BCAR3: variants seen among roughly 807,000 people sequenced by gnomAD.
BCAR3 encodes the protein breast cancer anti-estrogen resistance protein 3.
A neutral mutation model predicts 80.1 loss-of-function variants in BCAR3; 37 were observed. The ratio of observed to expected loss-of-function variants is 0.46; its 90% CI spans 0.36 to 0.61. BCAR3 has a LOEUF of 0.61. BCAR3 is among the 20% of genes least tolerant of loss of function. The probability of loss-of-function intolerance (pLI) is 0.00; values close to 1 mark genes in which losing one functional copy is unlikely to be tolerated. For missense variants in BCAR3, 978 were observed against 1,068.2 expected (o/e 0.92, Z 1.18); for synonymous variants, 389 against 418.9 (o/e 0.93, Z 0.87).
chr1:93,822,362 G>A (rs1654256014), intron 2 of BCAR3, among the ~76,000 whole-genome samples: 1 of 148,520 alleles, frequency 6.7e-6, no homozygotes, highest in Non-Finnish European at 1.5e-5. Flanking sequence ...TTTTTGAGAC[G>A]GAGTTTTGCT....
chr1:93,700,237 C>T (rs1241696579), intron 3 of BCAR3, among the ~76,000 whole-genome samples: 4 of 152,080 alleles, frequency 2.6e-5, no homozygotes, highest in Admixed American at 6.5e-5. Flanking sequence ...TTGTTGCCCA[C>T]GTTGGAGTGC....
chr1:93,755,213 AT>A (rs1651701984), intron 2 of BCAR3, among the ~76,000 whole-genome samples: 2 of 152,348 alleles, frequency 1.3e-5, no homozygotes, highest in South Asian at 2.1e-4. Flanking sequence ...AGTTAAAAAA[AT>A]AAAACATTTA....
chr1:93,654,034 A>G (rs558270367), intron 2 of BCAR3, among the ~76,000 whole-genome samples: 3 of 152,198 alleles, frequency 2.0e-5, no homozygotes, highest in Non-Finnish European at 4.4e-5. Flanking sequence ...CCACCTCATC[A>G]GAACAAAACC....
At chr1:93,839,997 T>G (rs1401846904) in intron 2 of BCAR3, among the ~76,000 whole-genome samples, 1 of 152,098 alleles carries the variant, frequency 6.6e-6, no homozygotes, top group Non-Finnish European at 1.5e-5. Flanking sequence ...TGGTCAGCAT[T>G]TTTGCAGGAA....
intron 7 of BCAR3, 101 bp from the exon 8 acceptor site, chr1:93,576,230 G>GGC: frequency 1.3e-6 from 1 of 781,424 alleles, no homozygotes; most frequent in Non-Finnish European, 2.2e-6. Flanking sequence ...CGATGGCGTG[G>GGC]ACACTTTATG....
intron 2 of BCAR3, among the ~76,000 whole-genome samples, chr1:93,645,355 T>A (rs912166758): frequency 6.6e-6 from 1 of 152,166 alleles, no homozygotes; most frequent in African/African-American, 2.4e-5. Context: ...GAGTACTCTG[T>A]AGGTTTTATG....
In BCAR3 at chr1:93,634,602, G is replaced by A. The variant is rs566673395; in HGVS notation, c.357+7702C>T. ...CCCAGCTACTTGGGAAGCTGAGGGAGGAGAATTGCTTGAACCGAGGAAGTG... is the reference window on the plus strand; with the variant it reads ...CCCAGCTACTTGGGAAGCTGAGGGAAGAGAATTGCTTGAACCGAGGAAGTG... On this transcript the variant is annotated intron_variant, in intron 3 of 11. Coordinates refer to ENST00000260502, the MANE Select transcript of BCAR3 (RefSeq NM_003567.4). Among the ~76,000 whole-genome samples the A allele has an allele frequency of 2.7e-4, 41 of 152,208 alleles. No homozygotes were observed. In the South Asian group the frequency reaches 8.5e-3, roughly 32 times the overall value.
At chr1:93,802,253 T>C (rs1193776220) in intron 2 of BCAR3, among the ~76,000 whole-genome samples, 1 of 151,618 alleles carries the variant, frequency 6.6e-6, no homozygotes, top group Non-Finnish European at 1.5e-5. Context: ...AAGGCTGCAA[T>C]GAGCCATAAT....
At chr1:93,655,672 T>C (rs1010890966) in intron 2 of BCAR3, among the ~76,000 whole-genome samples, 3 of 152,246 alleles carry the variant, frequency 2.0e-5, no homozygotes, top group African/African-American at 4.8e-5. Flanking sequence ...CTTACTTCTG[T>C]GGCTATCAGT....
In BCAR3 at chr1:93,567,503, GGAGTA is replaced by G. The variant is rs1337261249; in HGVS notation, c.2087-17_2087-13del. On this transcript the variant is annotated splice_polypyrimidine_tract_variant and intron_variant, in intron 10 of 11. Transcript: ENST00000260502. Reference sequence around the variant, plus strand: ...AACACATGTGGACTCTGAAGAATAAGGAGTAGAGTTTTCCATATCACATGTTTTCC... The same window carrying G: ...AACACATGTGGACTCTGAAGAATAAGGAGTTTTCCATATCACATGTTTTCC... 2.5e-6 allele frequency: 4 copies of G among 1,611,972 alleles called. No individual in the cohort carries two copies. Among genetic ancestry groups the G allele is most frequent in the South Asian group, 2.2e-5 (2 of 91,038 alleles).
chr1:93,812,215 C>T (rs558217731), intron 2 of BCAR3, among the ~76,000 whole-genome samples: 2 of 152,314 alleles, frequency 1.3e-5, no homozygotes, highest in South Asian at 4.2e-4. Context: ...CTACTTCCCA[C>T]TTAGCTAGAA....
intron 2 of BCAR3, among the ~76,000 whole-genome samples, chr1:93,783,196 T>C (rs1652821734): frequency 6.6e-6 from 1 of 152,222 alleles, no homozygotes; most frequent in African/African-American, 2.4e-5. Flanking sequence ...CCTCCATATA[T>C]ACCCTAAGCT....
chr1:93,583,534 C>G (rs1402580926), intron 6 of BCAR3, among the ~76,000 whole-genome samples: 1 of 152,090 alleles, frequency 6.6e-6, no homozygotes, highest in Non-Finnish European at 1.5e-5. Context: ...TAGTAGGTCT[C>G]CCCATACCCC....
At chr1:93,810,726 A>G (rs905703474) in intron 2 of BCAR3, among the ~76,000 whole-genome samples, 1 of 152,210 alleles carries the variant, frequency 6.6e-6, no homozygotes, top group Non-Finnish European at 1.5e-5. Context: ...AATACTGTCC[A>G]AAGCTCTCTG....
At chr1:93,731,464 C>T (rs921015439) in intron 2 of BCAR3, among the ~76,000 whole-genome samples, 3 of 152,000 alleles carry the variant, frequency 2.0e-5, no homozygotes, top group East Asian at 1.9e-4. Context: ...GGCACAACAA[C>T]GATTCTATGC....
chr1:93,575,266 A>G (rs981180147), intron 8 of BCAR3, among the ~76,000 whole-genome samples: 1 of 152,250 alleles, frequency 6.6e-6, no homozygotes, highest in African/African-American at 2.4e-5. Flanking sequence ...CAACTAGGAC[A>G]TGGGCTGGAC....
chr1:93,780,203 G>A (rs1282242963), intron 2 of BCAR3, among the ~76,000 whole-genome samples: 1 of 152,208 alleles, frequency 6.6e-6, no homozygotes, highest in African/African-American at 2.4e-5. Flanking sequence ...GGACTCAGAA[G>A]CGATCAGCAT....
intron 2 of BCAR3, chr1:93,648,713 GA>G (rs1476927167): frequency 6.6e-6 from 1 of 152,156 alleles, no homozygotes. Flanking sequence ...CAGCTATTTG[GA>G]AACCCCAAGT....
In BCAR3 at chr1:93,760,608, T is replaced by TAA. The variant is rs11365595; in HGVS notation, c.-62-54468_-62-54467dup. 9.7e-3 allele frequency among the ~76,000 whole-genome samples: 1,445 copies of TAA among 149,396 alleles called. 8 individuals are homozygous for TAA. Among genetic ancestry groups the TAA allele is most frequent in the African/African-American group, 0.019 (758 of 40,450 alleles). The stretch of plus-strand genomic sequence containing the variant: ...TGGTAAAAACCTATATAAATTAGCT[T>TAA]AAAAAAAAAAAGAAGAAGGAATGTA... On this transcript the variant is annotated intron_variant, in intron 2 of 13. Coordinates refer to the BCAR3 transcript ENST00000370244.
Sources: gnomAD v4.1 joint callset for allele counts (sites outside exome capture counted in the v4.1 genomes callset) on GRCh38, gnomAD v4.1.1 for gene constraint, MANE v1.5 for transcripts, NCBI Gene and HGNC (gene_info 2026-07-23, HGNC 2026-07-21) for gene names.